ETF1: variants seen among roughly 807,000 people sequenced by gnomAD.
ETF1 encodes eukaryotic translation termination factor 1.
Under a neutral mutation model 55.1 loss-of-function variants are expected in ETF1, and 4 were observed. That is an observed-to-expected ratio of 0.07 (90% CI 0.04 to 0.17). The LOEUF is 0.17. ETF1 is among the 10% of genes least tolerant of loss of function. The pLI is 1.00. For missense variants in ETF1, 142 were observed against 523.6 expected (o/e 0.27, Z 7.11); for synonymous variants, 157 against 182.3 (o/e 0.86, Z 1.12).
intron 4 of ETF1, among the ~76,000 whole-genome samples, chr5:138,516,894 TG>T (rs1765042076): frequency 2.0e-5 from 3 of 152,242 alleles, no homozygotes; most frequent in African/African-American, 7.2e-5. Context: ...ACCACTCAAA[TG>T]TAAAACTGAT....
intron 9 of ETF1, chr5:138,509,138 C>CCATTCAATGGCTCAGAAGAGA: frequency 1.0e-6 from 1 of 985,296 alleles, no homozygotes; most frequent in African/African-American, 1.7e-5. Flanking sequence ...TAAGCAGCAC[C>CCATTCAATGGCTCAGAAGAGA]CATTCAATGG....
chr5:138,519,544 TC>T (rs1765150995), intron 2 of ETF1, among the ~76,000 whole-genome samples: 1 of 151,474 alleles, frequency 6.6e-6, no homozygotes, highest in Non-Finnish European at 1.5e-5. Flanking sequence ...GTGCCTGTAA[TC>T]CCAGCTATTC....
intron 6 of ETF1, among the ~76,000 whole-genome samples, chr5:138,512,255 TATA>T (rs1327274313): frequency 3.7e-4 from 6 of 16,044 alleles, no homozygotes; most frequent in African/African-American, 1.7e-3. Flanking sequence ...TATATATATA[TATA>T]TTTTTTTTTT....
chr5:138,541,282 A>G (rs1766161212), intron 2 of ETF1, among the ~76,000 whole-genome samples: 1 of 152,220 alleles, frequency 6.6e-6, no homozygotes, highest in Non-Finnish European at 1.5e-5. Flanking sequence ...TGGTCACTCT[A>G]TCATACGGCA....
chr5:138,536,127 C>T (rs1414735692), intron 2 of ETF1, among the ~76,000 whole-genome samples: 1 of 152,146 alleles, frequency 6.6e-6, no homozygotes, highest in African/African-American at 2.4e-5. Flanking sequence ...GCATTTCTGG[C>T]TTCATATTCA....
chr5:138,542,649 G>C (rs988678600), intron 2 of ETF1, 184 bp downstream of exon 2: 2 of 1,430,076 alleles, frequency 1.4e-6, no homozygotes, highest in Non-Finnish European at 1.8e-6. Flanking sequence ...TGCGGGGAAA[G>C]GACCCCTTCT....
chr5:138,543,224 T>G lies in ETF1; in HGVS notation c.-146A>C, dbSNP rs1561850976. The G allele has an allele frequency of 2.2e-6, 1 of 453,488 alleles. No homozygotes were observed. Among genetic ancestry groups the G allele is most frequent in the Non-Finnish European group, 3.9e-6 (1 of 255,116 alleles). The allele number at this position is 453,488 out of a possible 1,614,324, so 28.1% of individuals were successfully genotyped here. ...CTGCATGTGTTGCAATCCGCTCACA[T>G]GGGGCCTGTGACATCACTTCCTCCG... On this transcript the variant is annotated 5_prime_UTR_variant, in exon 1 of 11. It removes an upstream start codon present in the reference 5' UTR. Transcript: ENST00000360541.
In ETF1 at chr5:138,535,874, C is replaced by CAAAAAA. The variant is rs35261297; in HGVS notation, c.86+6953_86+6958dup. ...TGGGCGGGAAAGCGAGACTCCGCCTCAAAAAAAAAAAAAAAAAAAAAAAAA... is the reference window on the plus strand; with the variant it reads ...TGGGCGGGAAAGCGAGACTCCGCCTCAAAAAAAAAAAAAAAAAAAAAAAAAAAAAAA... On this transcript the variant is annotated intron_variant, in intron 2 of 10. Transcript: ENST00000360541. Among the ~76,000 whole-genome samples the CAAAAAA allele has an allele frequency of 5.5e-4, 32 of 57,838 alleles. 4 individuals carry two copies. The highest frequency in any genetic ancestry group is 2.3e-3 in the Admixed American group (7 of 3,068). 37.9% of individuals were successfully genotyped at this position (57,838 alleles called of 152,430 possible). A position where few individuals can be genotyped will look rare whatever the true frequency, so the allele number is the denominator to read the frequency against.
intron 2 of ETF1, among the ~76,000 whole-genome samples, chr5:138,523,345 T>A (rs959860533): frequency 1.1e-4 from 17 of 148,182 alleles, no homozygotes; most frequent in African/African-American, 3.5e-4. Flanking sequence ...GCAGCCTGGA[T>A]GACAGAGCTA....
At chr5:138,530,464 G>A (rs1238533453) in intron 2 of ETF1, among the ~76,000 whole-genome samples, 1 of 151,932 alleles carries the variant, frequency 6.6e-6, no homozygotes. Flanking sequence ...TTTTAGTAGT[G>A]ATGGGGTTTT....
At chr5:138,522,813 T>C (rs1174658611) in intron 2 of ETF1, among the ~76,000 whole-genome samples, 1 of 152,052 alleles carries the variant, frequency 6.6e-6, no homozygotes, top group Non-Finnish European at 1.5e-5. Context: ...GAGATCATCC[T>C]GGCTAACATG....
intron 5 of ETF1, 81 bp from the exon 6 acceptor site, chr5:138,513,035 G>A: frequency 7.0e-7 from 1 of 1,425,524 alleles, no homozygotes; most frequent in Non-Finnish European, 9.1e-7. Context: ...AAATAATCAT[G>A]TCATCATCTA....
rs576892904 is a variant in ETF1, at chr5:138,507,083, C to T, written c.*1222G>A. The T allele has an allele frequency of 2.0e-5, 3 of 152,180 alleles. No individual in the cohort carries two copies. The highest frequency in any genetic ancestry group is 4.4e-5 in the Non-Finnish European group (3 of 68,030). 9.4% of individuals were successfully genotyped at this position (152,180 alleles called of 1,614,324 possible). A position where few individuals can be genotyped will look rare whatever the true frequency, so the allele number is the denominator to read the frequency against. On this transcript the variant is annotated 3_prime_UTR_variant, in exon 11 of 11. Coordinates refer to ENST00000360541, the MANE Select transcript of ETF1 (RefSeq NM_004730.4). ...GCTGGGTTCAAGTCTGACTTACAGC[C>T]CAGCTGTGAAGCATAAGCTTCAGGG...
intron 2 of ETF1, among the ~76,000 whole-genome samples, chr5:138,528,154 C>T (rs760455096): frequency 4.6e-5 from 7 of 152,046 alleles, no homozygotes; most frequent in East Asian, 1.9e-4. Flanking sequence ...AAGATGCAGT[C>T]GGCAGGGAAT....
chr5:138,516,475 A>G (rs546765555), intron 4 of ETF1, among the ~76,000 whole-genome samples: 2 of 152,116 alleles, frequency 1.3e-5, no homozygotes, highest in Non-Finnish European at 2.9e-5. Context: ...TGTCTCTACT[A>G]AAAAAACACA....
chr5:138,525,412 T>G (rs1765427457), intron 2 of ETF1, among the ~76,000 whole-genome samples: 1 of 151,876 alleles, frequency 6.6e-6, no homozygotes, highest in Admixed American at 6.6e-5. Context: ...TGCCTCAGCC[T>G]CCCAAAGTGA....
At chr5:138,532,549 G>A (rs1765745259) in intron 2 of ETF1, among the ~76,000 whole-genome samples, 1 of 152,226 alleles carries the variant, frequency 6.6e-6, no homozygotes, top group South Asian at 2.1e-4. Context: ...CAGTTGGAAA[G>A]AAGTAGCACA....
intron 7 of ETF1, 80 bp downstream of exon 7, chr5:138,511,395 C>CAGAA (rs1554137337): frequency 1.2e-6 from 1 of 863,784 alleles, no homozygotes; most frequent in African/African-American, 2.9e-5. Context: ...TACATACACA[C>CAGAA]ACACACATAC....
At chr5:138,536,960 G>C (rs949660230) in intron 2 of ETF1, among the ~76,000 whole-genome samples, 1 of 152,134 alleles carries the variant, frequency 6.6e-6, no homozygotes, top group Non-Finnish European at 1.5e-5. Flanking sequence ...TGCTTACCTT[G>C]CAATATGTCC....
Sources: gnomAD v4.1 joint callset for allele counts (sites outside exome capture counted in the v4.1 genomes callset) on GRCh38, gnomAD v4.1.1 for gene constraint, MANE v1.5 for transcripts, NCBI Gene and HGNC (gene_info 2026-07-23, HGNC 2026-07-21) for gene names.